Variants in MAPK10 observed in about 807,000 individuals in gnomAD.
MAPK10 encodes the protein mitogen-activated protein kinase 10.
MAPK10 carries 25 observed loss-of-function variants against 59.3 expected under a neutral mutation model. That is an observed-to-expected ratio of 0.42 (90% confidence interval 0.31 to 0.59). The LOEUF (loss-of-function observed/expected upper bound fraction) is 0.59, where lower values mean the gene tolerates loss of function less well. MAPK10 is among the 20% of genes least tolerant of loss of function. The probability of loss-of-function intolerance (pLI) is 0.15; values close to 1 mark genes in which losing one functional copy is unlikely to be tolerated. For synonymous variants in MAPK10, 190 were observed against 200.5 expected, an observed-to-expected ratio of 0.95 and a Z score of 0.44; for missense variants, 351 against 568.9, an observed-to-expected ratio of 0.62 and a Z score of 3.90.
chr4:86,554,856 G>A (rs1393834714), intron 1 of MAPK10, among the ~76,000 whole-genome samples: 1 of 152,108 alleles, frequency 6.6e-6, no homozygotes, highest in East Asian at 1.9e-4. Flanking sequence ...CCCCAATTTA[G>A]TGTTCCAATT....
In MAPK10 at chr4:86,288,619, A is replaced by G. The variant is rs192276012; in HGVS notation, c.-7+65911T>C. Among the ~76,000 whole-genome samples the G allele has an allele frequency of 2.0e-5, 3 of 152,200 alleles. No individual in the cohort carries two copies. In the East Asian group the frequency reaches 5.8e-4, roughly 30 times the overall value. On this transcript the variant is annotated intron_variant, in intron 2 of 13. Coordinates refer to ENST00000641462, the MANE Select transcript of MAPK10 (RefSeq NM_138982.4). ...GCTTCTTTAGGGAGGGATGAGTCCA[A>G]GTAATTGTTAATTCAATAAGTGTCA...
intron 2 of MAPK10, among the ~76,000 whole-genome samples, chr4:86,302,763 T>C (rs2095493659): frequency 6.6e-6 from 1 of 152,170 alleles, no homozygotes; most frequent in African/African-American, 2.4e-5. Context: ...TATCTATTCA[T>C]TCTAATGACT....
At chr4:86,239,999 T>C (rs1191689879) in intron 2 of MAPK10, among the ~76,000 whole-genome samples, 2 of 152,066 alleles carry the variant, frequency 1.3e-5, no homozygotes, top group East Asian at 3.9e-4. Context: ...GTGCTATAGA[T>C]TTCCTTAACA....
chr4:86,352,250 TA>T (rs1238799955), intron 2 of MAPK10: 1 of 151,720 alleles, frequency 6.6e-6, no homozygotes, highest in Non-Finnish European at 1.5e-5. Context: ...TATATAAACA[TA>T]AAAATGATAT....
At chr4:86,441,810 C>G (rs768733975) in intron 1 of MAPK10, among the ~76,000 whole-genome samples, 1 of 152,188 alleles carries the variant, frequency 6.6e-6, no homozygotes, top group African/African-American at 2.4e-5. Flanking sequence ...CAGGCTCCCC[C>G]TATTGTCCCC....
At chr4:86,486,393 T>C (rs1414408344) in intron 1 of MAPK10, among the ~76,000 whole-genome samples, 2 of 152,112 alleles carry the variant, frequency 1.3e-5, no homozygotes, top group African/African-American at 4.8e-5. Context: ...AGAGAAGCAA[T>C]GCAAGTAACT....
At position 86,072,177 on chromosome 4, in the gene MAPK10, G is replaced by T. The variant is rs1392665379; in HGVS notation, c.803-4222C>A. Reference sequence around the variant, plus strand: ...CAATTGTGAATGGGAGTTCACTCTTGATTTGGCTCTCTGTTTGTCTGTTGT... The same window carrying T: ...CAATTGTGAATGGGAGTTCACTCTTTATTTGGCTCTCTGTTTGTCTGTTGT... On this transcript the variant is annotated intron_variant, in intron 9 of 13. Coordinates refer to ENST00000641462, the MANE Select transcript of MAPK10 (RefSeq NM_138982.4). Among the ~76,000 whole-genome samples the T allele has an allele frequency of 1.8e-4, 27 of 151,238 alleles. 1 individual carries two copies. In the East Asian group the frequency reaches 4.3e-3, roughly 24 times the overall value.
intron 1 of MAPK10, among the ~76,000 whole-genome samples, chr4:86,553,613 T>C (rs1336927257): frequency 1.3e-5 from 2 of 152,114 alleles, no homozygotes; most frequent in African/African-American, 4.8e-5. Context: ...AAGCTACGTG[T>C]GCACTTTCAG....
intron 1 of MAPK10, among the ~76,000 whole-genome samples, chr4:86,375,898 G>A (rs1043438615): frequency 6.6e-6 from 1 of 151,948 alleles, no homozygotes; most frequent in Non-Finnish European, 1.5e-5. Flanking sequence ...CTAATGAAGT[G>A]GATATGTAAG....
chr4:86,357,860 C>G (rs1735316818), intron 1 of MAPK10: 1 of 153,980 alleles, frequency 6.5e-6, no homozygotes, highest in African/African-American at 2.4e-5. Flanking sequence ...GAACAGGAGC[C>G]CCTCAAATTA....
chr4:86,095,957 T>A (rs2054141379), intron 9 of MAPK10, among the ~76,000 whole-genome samples: 1 of 151,872 alleles, frequency 6.6e-6, no homozygotes, highest in Admixed American at 6.6e-5. Context: ...CTACTCATTT[T>A]TTGGTAAAAT....
intron 1 of MAPK10, among the ~76,000 whole-genome samples, chr4:86,473,114 T>C (rs1264214264): frequency 6.6e-6 from 1 of 152,258 alleles, no homozygotes; most frequent in Non-Finnish European, 1.5e-5. Flanking sequence ...GATGAAATAA[T>C]GTCATTTCTG....
intron 1 of MAPK10, among the ~76,000 whole-genome samples, chr4:86,419,804 T>C (rs1329592791): frequency 6.6e-6 from 1 of 152,218 alleles, no homozygotes; most frequent in Non-Finnish European, 1.5e-5. Flanking sequence ...CACCAGCTAA[T>C]ATCCATGACA....
intron 4 of MAPK10, among the ~76,000 whole-genome samples, chr4:86,140,813 A>G (rs376140304): frequency 1.3e-5 from 2 of 152,294 alleles, no homozygotes; most frequent in South Asian, 4.1e-4. Flanking sequence ...ACGCATAACT[A>G]TTGGCTGCTA....
intron 1 of MAPK10, among the ~76,000 whole-genome samples, chr4:86,571,244 G>T (rs1761422643): frequency 1.4e-5 from 2 of 145,434 alleles, no homozygotes; most frequent in Non-Finnish European, 1.5e-5. Context: ...AAAAATCTTT[G>T]CAATGATATC....
At chr4:86,144,456 T>C (rs1242120936) in intron 4 of MAPK10, among the ~76,000 whole-genome samples, 3 of 152,138 alleles carry the variant, frequency 2.0e-5, no homozygotes, top group Admixed American at 6.5e-5. Flanking sequence ...TTAAAGAGTA[T>C]AGAAGAACCT....
At chr4:86,506,654 G>A (rs1024451633) in intron 1 of MAPK10, among the ~76,000 whole-genome samples, 6 of 152,148 alleles carry the variant, frequency 3.9e-5, no homozygotes, top group African/African-American at 1.4e-4. Context: ...AGGAAGGGAA[G>A]GCAGCACACA....
chr4:86,093,248 G>A (rs1357431547), intron 9 of MAPK10, among the ~76,000 whole-genome samples: 1 of 151,756 alleles, frequency 6.6e-6, no homozygotes, highest in Admixed American at 6.6e-5. Flanking sequence ...TTCCTCTCTG[G>A]GGGATTACGT....
intron 9 of MAPK10, among the ~76,000 whole-genome samples, chr4:86,089,823 T>C (rs1317782734): frequency 6.6e-6 from 1 of 152,158 alleles, no homozygotes; most frequent in Non-Finnish European, 1.5e-5. Context: ...TATGTTGTCT[T>C]AGTGTCATTG....
Sources: gnomAD v4.1 joint callset for allele counts (sites outside exome capture counted in the v4.1 genomes callset) on GRCh38, gnomAD v4.1.1 for gene constraint, MANE v1.5 for transcripts, NCBI Gene and HGNC (gene_info 2026-07-23, HGNC 2026-07-21) for gene names.